Variants in DAB1 observed in about 807,000 individuals in gnomAD.
DAB1 encodes disabled homolog 1.
Under a neutral mutation model 64.6 loss-of-function variants are expected in DAB1, and 15 were observed. That is an observed-to-expected ratio of 0.23 (90% CI 0.16 to 0.36). The LOEUF is 0.36. Among genes scored for constraint, DAB1 ranks in the 10% least tolerant of loss-of-function variants. The pLI, the probability that DAB1 is intolerant of heterozygous loss-of-function variation, is 1.00. For missense variants in DAB1, 596 were observed against 706.7 expected (o/e 0.84, Z 1.78); for synonymous variants, 235 against 251.9 (o/e 0.93, Z 0.64).
At chr1:58,022,922 T>C (rs1646834996) in intron 5 of DAB1, among the ~76,000 whole-genome samples, 1 of 152,156 alleles carries the variant, frequency 6.6e-6, no homozygotes, top group South Asian at 2.1e-4. Context: ...CCTTTTGTCT[T>C]ATTTTTGAAT....
intron 5 of DAB1, among the ~76,000 whole-genome samples, chr1:57,940,900 C>T (rs2102051407): frequency 6.6e-6 from 1 of 152,246 alleles, no homozygotes; most frequent in East Asian, 1.9e-4. Flanking sequence ...TGTGGAATCC[C>T]TACGTGATGG....
At chr1:58,007,817 C>T (rs1646608776) in intron 5 of DAB1, among the ~76,000 whole-genome samples, 1 of 152,166 alleles carries the variant, frequency 6.6e-6, no homozygotes, top group Non-Finnish European at 1.5e-5. Context: ...CAAAAAAATA[C>T]TAATGACATA....
intron 6 of DAB1, among the ~76,000 whole-genome samples, chr1:57,717,471 G>C (rs1325574533): frequency 6.6e-6 from 1 of 151,964 alleles, no homozygotes; most frequent in East Asian, 1.9e-4. Context: ...CTGTTGGTGG[G>C]AATGTAAATA....
In DAB1 at chr1:57,136,535, T is replaced by G. The variant is rs1475122736; in HGVS notation, c.306+8A>C. On this transcript the variant is annotated splice_region_variant and intron_variant, in intron 4 of 14. Coordinates refer to ENST00000371236, the MANE Select transcript of DAB1 (RefSeq NM_001365792.1). ...AATTTCACAATGCCATGTGATTGCT[T>G]TACTTACCCCTGTCTTCTCATCAAA... 2.1e-6 allele frequency: 3 copies of G among 1,457,892 alleles called. No homozygotes were observed. The highest frequency in any genetic ancestry group is 3.9e-5 in the Admixed American group (2 of 50,978). 90.3% of individuals were successfully genotyped at this position (1,457,892 alleles called of 1,614,324 possible).
rs6700341 is a variant in DAB1 at position 58,415,165 on chromosome 1, G to C, written n.258-71762C>G. ...GATCTGTCCCCCTCTCTCTCTCTCT[G>C]AATGCATGCACCATGTGAGAACATA... On this transcript the variant is annotated intron_variant and non_coding_transcript_variant, in intron 3 of 20. Coordinates refer to the DAB1 transcript ENST00000485760. 8.9e-3 allele frequency among the ~76,000 whole-genome samples: 1,358 copies of C among 152,174 alleles called. 21 individuals carry two copies. Among genetic ancestry groups the C allele is most frequent in the African/African-American group, 0.031 (1,305 of 41,518 alleles).
At chr1:57,543,666 G>A (rs565749935) in intron 7 of DAB1, among the ~76,000 whole-genome samples, 44 of 152,280 alleles carry the variant, frequency 2.9e-4, no homozygotes, top group African/African-American at 1.1e-3. Flanking sequence ...CATGGGGAAG[G>A]TAAATTTGGA....
intron 3 of DAB1, among the ~76,000 whole-genome samples, chr1:58,377,370 G>C (rs1211138787): frequency 1.4e-4 from 20 of 139,674 alleles, no homozygotes; most frequent in African/African-American, 3.6e-4. Flanking sequence ...TTTAGGGCAG[G>C]CCTGGTGGTG....
intron 4 of DAB1, among the ~76,000 whole-genome samples, chr1:58,294,559 A>G (rs1253405599): frequency 1.3e-5 from 2 of 152,206 alleles, no homozygotes; most frequent in Non-Finnish European, 2.9e-5. Context: ...TCTGTCTTTG[A>G]GGAGCTTACC....
At chr1:57,594,481 A>G (rs984646370) in intron 7 of DAB1, among the ~76,000 whole-genome samples, 1 of 152,030 alleles carries the variant, frequency 6.6e-6, no homozygotes, top group Admixed American at 6.6e-5. Context: ...GGGTGCCCCC[A>G]TTTGAAAAGC....
At chr1:57,365,984 T>C (rs1224987715) in intron 1 of DAB1, among the ~76,000 whole-genome samples, 2 of 152,234 alleles carry the variant, frequency 1.3e-5, no homozygotes, top group Non-Finnish European at 2.9e-5. Context: ...GGTTGAGGAC[T>C]ATATCTCCTG....
intron 6 of DAB1, among the ~76,000 whole-genome samples, chr1:57,722,858 G>A (rs1452084592): frequency 2.0e-5 from 3 of 152,158 alleles, no homozygotes; most frequent in African/African-American, 7.2e-5. Context: ...GTGGGACTCA[G>A]ATCATCTGAG....
At chr1:57,419,505 A>AC (rs968932403) in intron 1 of DAB1, among the ~76,000 whole-genome samples, 11 of 152,092 alleles carry the variant, frequency 7.2e-5, no homozygotes, top group African/African-American at 2.4e-4. Flanking sequence ...AAAAAAAAAA[A>AC]AAAAAACCTT....
chr1:58,265,808 G>A (rs1661145256), intron 4 of DAB1, among the ~76,000 whole-genome samples: 1 of 152,160 alleles, frequency 6.6e-6, no homozygotes, highest in African/African-American at 2.4e-5. Context: ...AACACAGATT[G>A]TGATCCTACT....
chr1:57,169,612 T>C lies in DAB1; in HGVS notation c.68-24183A>G, dbSNP rs143346232. On this transcript the variant is annotated intron_variant, in intron 2 of 14. Coordinates refer to ENST00000371236, the MANE Select transcript of DAB1 (RefSeq NM_001365792.1). ...TGTACTTCCTCATAACATCCAATTG[T>C]AGCAAAAGAACCCTGCAAAAGTCAG... is the stretch of plus-strand genomic sequence containing the variant. Among the ~76,000 whole-genome samples, 189 of 152,262 alleles carry C rather than the reference T, an allele frequency of 1.2e-3. 1 individual carries two copies. Among genetic ancestry groups the C allele is most frequent in the South Asian group, 5.6e-3 (27 of 4,822 alleles).
chr1:57,006,077 T>A (rs1330536374), intron 14 of DAB1, among the ~76,000 whole-genome samples: 1 of 152,166 alleles, frequency 6.6e-6, no homozygotes, highest in Non-Finnish European at 1.5e-5. Context: ...GCTGCTTTCC[T>A]GTGACAATGG....
chr1:58,524,120 T>C (rs1422301777), intron 2 of DAB1, among the ~76,000 whole-genome samples: 2 of 152,212 alleles, frequency 1.3e-5, no homozygotes, highest in Non-Finnish European at 2.9e-5. Flanking sequence ...CAACTCCATT[T>C]CCGCAAAACA....
chr1:57,098,899 C>A (rs1180452170), intron 4 of DAB1, among the ~76,000 whole-genome samples: 1 of 152,154 alleles, frequency 6.6e-6, no homozygotes, highest in African/African-American at 2.4e-5. Context: ...GTAAGATTGC[C>A]TTTAGGCCAA....
chr1:58,450,974 C>T (rs529858406), intron 3 of DAB1, among the ~76,000 whole-genome samples: 1 of 152,152 alleles, frequency 6.6e-6, no homozygotes, highest in Non-Finnish European at 1.5e-5. Flanking sequence ...AATACCTGAC[C>T]GGTACTCACC....
intron 3 of DAB1, among the ~76,000 whole-genome samples, chr1:58,379,365 A>G (rs1052273817): frequency 6.6e-6 from 1 of 152,246 alleles, no homozygotes; most frequent in Non-Finnish European, 1.5e-5. Flanking sequence ...TAATGGCTCT[A>G]TGAAATACAA....
Sources: gnomAD v4.1 joint callset for allele counts (sites outside exome capture counted in the v4.1 genomes callset) on GRCh38, gnomAD v4.1.1 for gene constraint, MANE v1.5 for transcripts, NCBI Gene and HGNC (gene_info 2026-07-23, HGNC 2026-07-21) for gene names.